The following KAZN variants were observed in gnomAD, a reference collection of about 807,000 sequenced individuals.
KAZN encodes kazrin.
KAZN carries 40 observed loss-of-function variants against 87.4 expected under a neutral mutation model. The ratio of observed to expected loss-of-function variants is 0.46; its 90% confidence interval spans 0.36 to 0.60. The LOEUF is 0.60. KAZN is among the 20% of genes least tolerant of loss of function. KAZN has a pLI of 0.00. For missense variants in KAZN, 898 were observed against 1,073.9 expected (o/e 0.84, Z 2.29); for synonymous variants, 466 against 458.3 (o/e 1.02, Z -0.22).
chr1:14,587,096 G>A (rs1312251741), intron 2 of KAZN, among the ~76,000 whole-genome samples: 1 of 152,194 alleles, frequency 6.6e-6, no homozygotes, highest in Non-Finnish European at 1.5e-5. Context: ...ATTCTTCCCT[G>A]TATTAGTTCT....
intron 2 of KAZN, among the ~76,000 whole-genome samples, chr1:14,190,223 T>C (rs1646395607): frequency 6.6e-6 from 1 of 152,132 alleles, no homozygotes; most frequent in Admixed American, 6.6e-5. Flanking sequence ...ACCAACAACC[T>C]GAAAGTCACA....
At chr1:14,214,403 A>T (rs1229222899) in intron 2 of KAZN, among the ~76,000 whole-genome samples, 1 of 152,210 alleles carries the variant, frequency 6.6e-6, no homozygotes, top group Non-Finnish European at 1.5e-5. Flanking sequence ...AATAAGGTGT[A>T]GTCAATAAAT....
chr1:15,013,482 G>A (rs951497891), intron 2 of KAZN, among the ~76,000 whole-genome samples: 13 of 149,680 alleles, frequency 8.7e-5, no homozygotes, highest in Non-Finnish European at 1.5e-4. Flanking sequence ...GGCCAGGCAC[G>A]GTGGCTCATG....
intron 1 of KAZN, among the ~76,000 whole-genome samples, chr1:13,999,903 A>G (rs1024932200): frequency 2.0e-5 from 3 of 152,240 alleles, no homozygotes; most frequent in Non-Finnish European, 4.4e-5. Flanking sequence ...CTAGCATCAG[A>G]GAATACTATA....
intron 2 of KAZN, among the ~76,000 whole-genome samples, chr1:14,551,636 C>T (rs1026418476): frequency 1.2e-4 from 19 of 152,248 alleles, no homozygotes; most frequent in African/African-American, 4.3e-4. Flanking sequence ...ATGTTAATAG[C>T]GACCTGGCTT....
intron 2 of KAZN, among the ~76,000 whole-genome samples, chr1:14,499,666 T>C (rs1172939795): frequency 6.6e-6 from 1 of 152,206 alleles, no homozygotes; most frequent in Non-Finnish European, 1.5e-5. Flanking sequence ...GGTTATTTTA[T>C]TTCATATGAA....
chr1:14,402,155 T>C (rs1557693257), intron 2 of KAZN, among the ~76,000 whole-genome samples: 1 of 151,874 alleles, frequency 6.6e-6, no homozygotes, highest in South Asian at 2.1e-4. Flanking sequence ...CCAATGACTT[T>C]TAGTTCTAAA....
intron 2 of KAZN, among the ~76,000 whole-genome samples, chr1:14,309,586 A>C (rs1655150560): frequency 6.6e-6 from 1 of 152,170 alleles, no homozygotes; most frequent in South Asian, 2.1e-4. Flanking sequence ...AGTTGAGACC[A>C]GGTCTCACTC....
At chr1:14,449,309 T>C (rs6658316) in intron 2 of KAZN, among the ~76,000 whole-genome samples, 60,041 of 152,090 alleles carry the variant, frequency 0.39, 12,071 homozygotes, top group Middle Eastern at 0.55. Context: ...CCATCCTGGA[T>C]TCCTCTCCTT....
chr1:14,204,590 T>G (rs1557558810), intron 2 of KAZN, among the ~76,000 whole-genome samples: 3 of 152,222 alleles, frequency 2.0e-5, no homozygotes, highest in Non-Finnish European at 2.9e-5. Flanking sequence ...GGCTATCCTA[T>G]TTTTGTAAAT....
At chr1:14,469,527 TTGGG>T (rs1455128267) in intron 2 of KAZN, among the ~76,000 whole-genome samples, 8 of 152,148 alleles carry the variant, frequency 5.3e-5, no homozygotes, top group African/African-American at 1.9e-4. Context: ...GCTAAGAAAA[TTGGG>T]CAGTTTATCA....
chr1:14,206,969 C>CTTTT (rs35070539), intron 2 of KAZN, among the ~76,000 whole-genome samples: 1 of 145,602 alleles, frequency 6.9e-6, no homozygotes, highest in Non-Finnish European at 1.5e-5. Context: ...TTCTTTCTTT[C>CTTTT]TTTTTTTTTT....
chr1:14,161,746 G>A (rs935424135), intron 1 of KAZN, among the ~76,000 whole-genome samples: 2 of 152,094 alleles, frequency 1.3e-5, no homozygotes, highest in Non-Finnish European at 2.9e-5. Context: ...TTCCCTTAAC[G>A]ATTCAAATGT....
intron 2 of KAZN, among the ~76,000 whole-genome samples, chr1:14,288,952 T>TC (rs1442007832): frequency 6.6e-6 from 1 of 152,230 alleles, no homozygotes; most frequent in Admixed American, 6.5e-5. Flanking sequence ...CAGTAGTCAT[T>TC]CAGGAGCAGG....
intron 1 of KAZN, among the ~76,000 whole-genome samples, chr1:14,829,761 G>A (rs1470280183): frequency 6.6e-6 from 1 of 152,212 alleles, no homozygotes; most frequent in Non-Finnish European, 1.5e-5. Flanking sequence ...ATCAGAGGAG[G>A]CTAGTGTGGC....
intron 1 of KAZN, among the ~76,000 whole-genome samples, chr1:14,774,616 A>C (rs1459054942): frequency 6.6e-6 from 1 of 151,980 alleles, no homozygotes; most frequent in African/African-American, 2.4e-5. Flanking sequence ...GACTACAGGC[A>C]TGCATCACCA....
intron 1 of KAZN, among the ~76,000 whole-genome samples, chr1:14,883,499 C>CCAGG (rs1197559240): frequency 6.8e-6 from 1 of 146,648 alleles, no homozygotes; most frequent in African/African-American, 2.7e-5. Context: ...GCCTCTGTCC[C>CCAGG]ACCTTTTTCA....
intron 1 of KAZN, among the ~76,000 whole-genome samples, chr1:14,797,249 C>T (rs1026146658): frequency 3.3e-5 from 5 of 151,828 alleles, no homozygotes; most frequent in African/African-American, 2.4e-5. Flanking sequence ...TTAGTAGAGA[C>T]GGGGTTTCAC....
intron 5 of KAZN, among the ~76,000 whole-genome samples, chr1:15,057,195 G>T (rs1638367649): frequency 2.6e-5 from 4 of 152,240 alleles, no homozygotes; most frequent in Admixed American, 6.5e-5. Context: ...CATAGGCCCT[G>T]GATTCAGACT....
Sources: gnomAD v4.1 joint callset for allele counts (sites outside exome capture counted in the v4.1 genomes callset) on GRCh38, gnomAD v4.1.1 for gene constraint, MANE v1.5 for transcripts, NCBI Gene and HGNC (gene_info 2026-07-23, HGNC 2026-07-21) for gene names.